The following HEATR4 variants were observed in gnomAD, a reference collection of about 807,000 sequenced individuals.
HEATR4 encodes HEAT repeat containing 4.
A neutral mutation model predicts 108.8 loss-of-function variants in HEATR4; 95 were observed. The ratio of observed to expected loss-of-function variants is 0.87; its 90% CI spans 0.74 to 1.04. HEATR4 has a LOEUF of 1.04. HEATR4 is among the 50% of genes least tolerant of loss of function. The probability of loss-of-function intolerance (pLI) is 0.00; values close to 1 mark genes in which losing one functional copy is unlikely to be tolerated. For missense variants in HEATR4, 1,152 were observed against 1,253.8 expected (o/e 0.92, Z 1.23); for synonymous variants, 443 against 459.4 (o/e 0.96, Z 0.46).
chr14:73,612,966 C>T, the HEATR4 span: 4 of 1,200,194 alleles, frequency 3.3e-6, no homozygotes, highest in African/African-American at 1.6e-5. Context: ...TTTCTCCGGC[C>T]GGGGGTGCGG....
chr14:73,564,806 A>G, the HEATR4 span, among the ~76,000 whole-genome samples: 2 of 146,262 alleles, frequency 1.4e-5, no homozygotes, highest in Non-Finnish European at 3.0e-5. Context: ...GGGCTCAAGC[A>G]ATCTCCTGCC....
chr14:73,520,578 A>C (rs1315005100), intron 4 of HEATR4: 2 of 337,054 alleles, frequency 5.9e-6, no homozygotes, highest in South Asian at 9.5e-5. Context: ...GATTGTTCCC[A>C]AAGTCTTGCC....
the HEATR4 span, among the ~76,000 whole-genome samples, chr14:73,613,248 C>T: frequency 2.0e-5 from 3 of 152,166 alleles, no homozygotes; most frequent in Admixed American, 6.5e-5. Context: ...CAAGTCCTCT[C>T]GCCTCAGCCT....
chr14:73,516,648 G>A (rs1887616377), intron 5 of HEATR4, among the ~76,000 whole-genome samples: 1 of 152,096 alleles, frequency 6.6e-6, no homozygotes, highest in South Asian at 2.1e-4. Context: ...TAACCCCCAG[G>A]CCATGGGCCT....
At chr14:73,616,060 G>A in the HEATR4 span, among the ~76,000 whole-genome samples, 1 of 151,966 alleles carries the variant, frequency 6.6e-6, no homozygotes, top group Non-Finnish European at 1.5e-5. Flanking sequence ...TGGAACTCTT[G>A]GGCTCAGATG....
chr14:73,601,435 ACGCC>A, the HEATR4 span, among the ~76,000 whole-genome samples: 1 of 152,114 alleles, frequency 6.6e-6, no homozygotes, highest in Non-Finnish European at 1.5e-5. Flanking sequence ...ATGGTGGCGC[ACGCC>A]TGTAATCCCC....
At chr14:73,619,586 C>T in the HEATR4 span, 1 of 1,614,192 alleles carries the variant, frequency 6.2e-7, no homozygotes, top group Non-Finnish European at 8.5e-7. Context: ...GCTCAGATAG[C>T]CTCTGAAAGG....
At chr14:73,558,388 C>G (rs1391410998) in intron 1 of HEATR4, among the ~76,000 whole-genome samples, 1 of 129,560 alleles carries the variant, frequency 7.7e-6, no homozygotes, top group African/African-American at 2.9e-5. Context: ...TTTTTTGAGA[C>G]AGGGTCTCAC....
At chr14:73,491,736 G>A (rs1338348387) in intron 17 of HEATR4, 1 of 1,554,332 alleles carries the variant, frequency 6.4e-7, no homozygotes, top group South Asian at 1.2e-5. Flanking sequence ...TACTACCAGG[G>A]ACTTTTCTCT....
chr14:73,502,046 ATTTTT>A (rs777992104), intron 11 of HEATR4, among the ~76,000 whole-genome samples: 1 of 133,946 alleles, frequency 7.5e-6, no homozygotes, highest in Non-Finnish European at 1.6e-5. Context: ...CGCCCGGCCA[ATTTTT>A]TTTTTTTTTT....
chr14:73,558,260 C>A (rs555939067), intron 1 of HEATR4, among the ~76,000 whole-genome samples: 3 of 140,284 alleles, frequency 2.1e-5, no homozygotes, highest in African/African-American at 8.1e-5. Flanking sequence ...CTCATTTTTT[C>A]CCCTCTACTT....
At position 73,532,958 on chromosome 14, in the gene HEATR4, A is replaced by AAAAT. The variant is rs936303402; in HGVS notation, c.-151-2718_-151-2715dup. Among the ~76,000 whole-genome samples, 4 of 111,556 alleles carry AAAAT rather than the reference A, an allele frequency of 3.6e-5. 1 individual carries two copies. The highest frequency in any genetic ancestry group is 1.2e-4 in the African/African-American group (4 of 34,340). The allele number at this position is 111,556 out of a possible 152,430, so 73.2% of individuals were successfully genotyped here. On this transcript the variant is annotated intron_variant, in intron 1 of 17. Coordinates refer to ENST00000553558, the MANE Select transcript of HEATR4 (RefSeq NM_001220484.1). ...TGACAGAGCAAGACTCCATCTCAAA[A>AAAAT]AAATAAATAAATAAATAAAAAGAAA...
At chr14:73,583,325 G>A in the HEATR4 span, among the ~76,000 whole-genome samples, 4,083 of 147,460 alleles carry the variant, frequency 0.028, 213 homozygotes, top group African/African-American at 0.098. Context: ...CTCCAGCCTA[G>A]GTGACAGAGT....
upstream of HEATR4, among the ~76,000 whole-genome samples, chr14:73,562,692 GTC>G (rs1368926485): frequency 2.0e-5 from 3 of 151,978 alleles, no homozygotes; most frequent in Non-Finnish European, 2.9e-5. Context: ...CTCTGGGAAT[GTC>G]TGTCTTGTGC....
chr14:73,500,583 C>T lies in HEATR4; in HGVS notation c.2253G>A (p.Leu751=), dbSNP rs927659000. The T allele has an allele frequency of 1.2e-6, 2 of 1,613,636 alleles. No individual in the cohort carries two copies. Among genetic ancestry groups the T allele is most frequent in the Non-Finnish European group, 1.7e-6 (2 of 1,179,972 alleles). The change falls in exon 12 of 18, where the codon TTG becomes TTA. Residue 751 remains leucine, a synonymous_variant. Coordinates refer to ENST00000553558, the MANE Select transcript of HEATR4 (RefSeq NM_001220484.1). ...CGCGGATCTGCAGGGCACCAGCTGC[C>T]AAACAGGCTGCCCGCCGAACTGCTG... ...DFTAVRRAAC[L]AAGALQIRDK...
chr14:73,499,838 G>A (rs569871517), intron 12 of HEATR4, among the ~76,000 whole-genome samples: 5 of 152,252 alleles, frequency 3.3e-5, no homozygotes, highest in African/African-American at 1.2e-4. Context: ...CTCTAGAATC[G>A]AAGTCTGGGC....
At chr14:73,531,947 G>A (rs1228291455) in intron 1 of HEATR4, among the ~76,000 whole-genome samples, 1 of 114,436 alleles carries the variant, frequency 8.7e-6, no homozygotes, top group African/African-American at 2.8e-5. Context: ...CAGGAGAATC[G>A]CCTGGACCCA....
chr14:73,595,071 T>C, the HEATR4 span: 1 of 1,613,976 alleles, frequency 6.2e-7, no homozygotes, highest in South Asian at 1.1e-5. Context: ...GGCATTGGGC[T>C]TTTGGGCATT....
chr14:73,565,382 C>A, the HEATR4 span, among the ~76,000 whole-genome samples: 2,650 of 145,718 alleles, frequency 0.018, 70 homozygotes, highest in African/African-American at 0.062. Flanking sequence ...CTCCCTTTTT[C>A]TTTTCCTTTT....
Sources: gnomAD v4.1 joint callset for allele counts (sites outside exome capture counted in the v4.1 genomes callset) on GRCh38, gnomAD v4.1.1 for gene constraint, MANE v1.5 for transcripts, NCBI Gene and HGNC (gene_info 2026-07-23, HGNC 2026-07-21) for gene names.